The following KCNH8 variants were observed in gnomAD, a reference collection of about 807,000 sequenced individuals.
The protein encoded by KCNH8 is voltage-gated delayed rectifier potassium channel KCNH8.
Under a neutral mutation model 103.6 loss-of-function variants are expected in KCNH8, and 70 were observed. That is an observed-to-expected ratio of 0.68 (90% confidence interval 0.56 to 0.82). The LOEUF is 0.82. Among genes scored for constraint, KCNH8 ranks in the 40% least tolerant of loss-of-function variants. The probability of loss-of-function intolerance (pLI) is 0.00; values close to 1 mark genes in which losing one functional copy is unlikely to be tolerated. For missense variants in KCNH8, 1,217 were observed against 1,329.9 expected, an observed-to-expected ratio of 0.92 and a Z score of 1.32; for synonymous variants, 498 against 489.4, an observed-to-expected ratio of 1.02 and a Z score of -0.23.
At chr3:19,325,736 G>C (rs1244867217) in intron 3 of KCNH8, among the ~76,000 whole-genome samples, 1 of 152,144 alleles carries the variant, frequency 6.6e-6, no homozygotes, top group Non-Finnish European at 1.5e-5. Flanking sequence ...ACTTTTGGTG[G>C]GAGTGTAAAT....
intron 11 of KCNH8, among the ~76,000 whole-genome samples, chr3:19,506,065 G>A (rs1467899839): frequency 1.3e-5 from 2 of 152,198 alleles, no homozygotes; most frequent in African/African-American, 4.8e-5. Context: ...TCATTTTATG[G>A]TACTCATTAG....
chr3:19,231,695 C>A (rs1201832361), intron 1 of KCNH8, among the ~76,000 whole-genome samples: 1 of 152,080 alleles, frequency 6.6e-6, no homozygotes. Flanking sequence ...CCATGGTATT[C>A]TTTTACAGAA....
chr3:19,226,380 C>T (rs148943508), intron 1 of KCNH8, among the ~76,000 whole-genome samples: 1 of 152,150 alleles, frequency 6.6e-6, no homozygotes, highest in Non-Finnish European at 1.5e-5. Context: ...AACAGAGACT[C>T]TCTGCCTTGA....
chr3:19,288,766 G>A lies in KCNH8; in HGVS notation c.442+7437G>A, dbSNP rs566387366. 5.3e-5 allele frequency among the ~76,000 whole-genome samples: 8 copies of A among 152,222 alleles called. No homozygotes were observed. The East Asian group carries it at 9.7e-4, about 18-fold the overall frequency. On this transcript the variant is annotated intron_variant, in intron 3 of 15. Transcript: ENST00000328405. Reference sequence around the variant, plus strand: ...TACCCAGTAATGGGATGGCTGGGTCGAATGGTATTTCTAGTTCTAGATCCC... The same window carrying A: ...TACCCAGTAATGGGATGGCTGGGTCAAATGGTATTTCTAGTTCTAGATCCC...
At chr3:19,356,878 A>G (rs1414409000) in intron 5 of KCNH8, among the ~76,000 whole-genome samples, 3 of 152,044 alleles carry the variant, frequency 2.0e-5, no homozygotes, top group Non-Finnish European at 1.5e-5. Context: ...AGAAAAAGAA[A>G]GACCACCTCC....
intron 7 of KCNH8, among the ~76,000 whole-genome samples, chr3:19,430,961 T>C (rs1243015902): frequency 6.6e-6 from 1 of 152,198 alleles, no homozygotes; most frequent in Non-Finnish European, 1.5e-5. Context: ...CTCTTTCTAT[T>C]TGAATACGCT....
chr3:19,332,831 T>A (rs1398892992), intron 3 of KCNH8, among the ~76,000 whole-genome samples: 2 of 151,896 alleles, frequency 1.3e-5, no homozygotes, highest in Non-Finnish European at 2.9e-5. Context: ...CGGGGTTTCA[T>A]CATGTTGAAC....
chr3:19,433,962 G>A (rs866818836), intron 7 of KCNH8, among the ~76,000 whole-genome samples: 10 of 152,126 alleles, frequency 6.6e-5, no homozygotes, highest in South Asian at 2.1e-4. Context: ...ATTAAAATGT[G>A]AAAAATTTAT....
chr3:19,244,397 T>G (rs1208039107), intron 1 of KCNH8, among the ~76,000 whole-genome samples: 1 of 152,212 alleles, frequency 6.6e-6, no homozygotes, highest in Non-Finnish European at 1.5e-5. Flanking sequence ...AGCACTGTGG[T>G]GAACATATGA....
chr3:19,471,647 G>A (rs2067858048), intron 11 of KCNH8, among the ~76,000 whole-genome samples: 1 of 152,132 alleles, frequency 6.6e-6, no homozygotes, highest in Non-Finnish European at 1.5e-5. Context: ...CTCTAGATAA[G>A]GAGACTAATT....
intron 1 of KCNH8, among the ~76,000 whole-genome samples, chr3:19,161,501 A>AC (rs1260596576): frequency 6.6e-6 from 1 of 152,224 alleles, no homozygotes; most frequent in Non-Finnish European, 1.5e-5. Flanking sequence ...TAGTAACAGC[A>AC]CTTGGCAAGT....
intron 11 of KCNH8, among the ~76,000 whole-genome samples, chr3:19,500,348 C>A (rs944674773): frequency 2.0e-5 from 3 of 152,148 alleles, no homozygotes; most frequent in Non-Finnish European, 2.9e-5. Context: ...GAGACTTTAA[C>A]ACCCCACTGT....
chr3:19,529,390 C>T (rs983142030), intron 15 of KCNH8, among the ~76,000 whole-genome samples: 4 of 152,096 alleles, frequency 2.6e-5, no homozygotes, highest in South Asian at 4.1e-4. Context: ...ATGTGCACAA[C>T]GTGCAGGTTT....
rs2125256656 is a variant in KCNH8 at position 19,534,048 on chromosome 3, A to C, written c.3273A>C (p.Glu1091Asp). 6.2e-7 allele frequency: 1 copy of C among 1,614,160 alleles called. No individual in the cohort carries two copies. The highest frequency in any genetic ancestry group is 8.5e-7 in the Non-Finnish European group (1 of 1,180,014). Residue 1091 changes from glutamate (E) to aspartate (D), a missense_variant, in exon 16 of 16, where the codon GAA (glutamate) becomes GAC (aspartate). Physicochemically the swap from Glu to Asp is conservative, Grantham distance 45. Coordinates refer to ENST00000328405, the MANE Select transcript of KCNH8 (RefSeq NM_144633.3). ...STKPLENLPL[E>D]VVTSTAEVKD... is the part of the protein sequence containing the mutation. ...AACCTTTGGAGAACCTTCCACTGGA[A>C]GTTGTCACAAGCACAGCAGAAGTGA...
In KCNH8 at chr3:19,497,745, T is replaced by C. The variant is rs182991183; in HGVS notation, c.2041-12618T>C. 1.2e-4 allele frequency among the ~76,000 whole-genome samples: 19 copies of C among 152,256 alleles called. No homozygotes were observed. In the East Asian group the frequency reaches 3.1e-3, roughly 25 times the overall value. On this transcript the variant is annotated intron_variant, in intron 11 of 15. Transcript: ENST00000328405. ...TTTGGGTGGAGAGTTTTGTAGATACTTGACAGATCCATTTATTCAAGTATT... is the reference window on the plus strand; with the variant it reads ...TTTGGGTGGAGAGTTTTGTAGATACCTGACAGATCCATTTATTCAAGTATT...
chr3:19,287,601 T>TGTG (rs951901749), intron 3 of KCNH8, among the ~76,000 whole-genome samples: 1 of 152,124 alleles, frequency 6.6e-6, no homozygotes, highest in African/African-American at 2.4e-5. Context: ...TTGTTGTTGT[T>TGTG]GTTGAGTTGG....
intron 3 of KCNH8, among the ~76,000 whole-genome samples, chr3:19,286,371 G>A (rs1347496465): frequency 6.6e-6 from 1 of 152,320 alleles, no homozygotes; most frequent in Middle Eastern, 3.4e-3. Context: ...AACAAACAAA[G>A]AGACACCAGC....
At position 19,534,595 on chromosome 3, in the gene KCNH8, A is replaced by T. The variant is rs1005707527; in HGVS notation, c.*496A>T. ...CATGTCATCTCCTAGACAATCAGTCAAATAGAGCTGGTGGCCAGTGGTTAG... is the reference window on the plus strand; with the variant it reads ...CATGTCATCTCCTAGACAATCAGTCTAATAGAGCTGGTGGCCAGTGGTTAG... On this transcript the variant is annotated 3_prime_UTR_variant, in exon 16 of 16. Coordinates refer to ENST00000328405, the MANE Select transcript of KCNH8 (RefSeq NM_144633.3). The T allele has an allele frequency of 6.5e-6, 1 of 154,296 alleles. No homozygotes were observed. 9.6% of individuals were successfully genotyped at this position (154,296 alleles called of 1,614,324 possible).
chr3:19,274,264 G>A (rs1225340286), intron 2 of KCNH8, among the ~76,000 whole-genome samples: 2 of 152,136 alleles, frequency 1.3e-5, no homozygotes, highest in Non-Finnish European at 2.9e-5. Flanking sequence ...TGTTGATCAG[G>A]TTGATCAGTG....
Sources: allele counts gnomAD v4.1 joint callset (sites outside exome capture counted in the v4.1 genomes callset), GRCh38; gene constraint gnomAD v4.1.1; transcripts MANE v1.5; gene names NCBI Gene and HGNC (gene_info 2026-07-23, HGNC 2026-07-21).